The following C7orf78 variants were observed in gnomAD, a reference collection of about 807,000 sequenced individuals.
C7orf78 encodes putative uncharacterized protein C7orf78.
chr7:12,488,241 G>A, the C7orf78 span, among the ~76,000 whole-genome samples: 28 of 151,942 alleles, frequency 1.8e-4, no homozygotes, highest in South Asian at 5.6e-3. Context: ...TCTTCATTTG[G>A]CCACTGCCTT....
chr7:12,540,056 G>A, the C7orf78 span, among the ~76,000 whole-genome samples: 2 of 152,244 alleles, frequency 1.3e-5, 1 homozygote, highest in African/African-American at 4.8e-5. Context: ...TGGGATTATT[G>A]GGTTGGTTTC....
chr7:12,496,433 G>C, the C7orf78 span: 1 of 152,138 alleles, frequency 6.6e-6, no homozygotes, highest in African/African-American at 2.4e-5. Context: ...TATGCTGTTC[G>C]TCCATCCAAA....
the C7orf78 span, among the ~76,000 whole-genome samples, chr7:12,527,016 TCAG>T: frequency 7.6e-6 from 1 of 131,344 alleles, no homozygotes; most frequent in African/African-American, 3.1e-5. Flanking sequence ...ATGGAACATG[TCAG>T]CTTTCCTAGT....
chr7:12,497,917 T>TCCCTGACCCCTGAC, the C7orf78 span, among the ~76,000 whole-genome samples: 1 of 150,354 alleles, frequency 6.7e-6, no homozygotes, highest in South Asian at 2.1e-4. Context: ...CTCAAGTGGG[T>TCCCTGACCCCTGAC]CCCTGACCCC....
At chr7:12,505,111 G>A in the C7orf78 span, among the ~76,000 whole-genome samples, 1 of 151,856 alleles carries the variant, frequency 6.6e-6, no homozygotes, top group African/African-American at 2.4e-5. Flanking sequence ...TCAAAAGAAT[G>A]TTTTTTGTAT....
the C7orf78 span, among the ~76,000 whole-genome samples, chr7:12,519,470 C>T: frequency 6.6e-6 from 1 of 152,182 alleles, no homozygotes; most frequent in Non-Finnish European, 1.5e-5. Flanking sequence ...CCTTCCAGCT[C>T]CAGTCAGACA....
chr7:12,513,584 G>C, the C7orf78 span, among the ~76,000 whole-genome samples: 1 of 152,036 alleles, frequency 6.6e-6, no homozygotes, highest in Admixed American at 6.6e-5. Context: ...TTTATTTCTA[G>C]TTTTATTCCA....
At chr7:12,535,938 C>T in the C7orf78 span, among the ~76,000 whole-genome samples, 1 of 152,238 alleles carries the variant, frequency 6.6e-6, no homozygotes, top group African/African-American at 2.4e-5. Flanking sequence ...CAGCTCCACT[C>T]CTGTGGCTTT....
chr7:12,494,677 T>G, the C7orf78 span, among the ~76,000 whole-genome samples: 1 of 152,186 alleles, frequency 6.6e-6, no homozygotes, highest in Non-Finnish European at 1.5e-5. Context: ...TAACTGATCA[T>G]CTGTTTAGAA....
the C7orf78 span, among the ~76,000 whole-genome samples, chr7:12,495,343 T>C: frequency 6.6e-6 from 1 of 152,226 alleles, no homozygotes; most frequent in East Asian, 1.9e-4. Context: ...TAATCTCCAA[T>C]GTCCAGTCTT....
At chr7:12,515,595 G>A in the C7orf78 span, among the ~76,000 whole-genome samples, 1 of 150,404 alleles carries the variant, frequency 6.6e-6, no homozygotes, top group African/African-American at 2.5e-5. Flanking sequence ...GGGTTTCGAA[G>A]AAGGCAGGAA....
At chr7:12,519,472 A>G in the C7orf78 span, among the ~76,000 whole-genome samples, 2 of 152,172 alleles carry the variant, frequency 1.3e-5, no homozygotes, top group Non-Finnish European at 2.9e-5. Context: ...TTCCAGCTCC[A>G]GTCAGACAGC....
the C7orf78 span, among the ~76,000 whole-genome samples, chr7:12,496,160 C>T: frequency 1.3e-5 from 2 of 152,122 alleles, no homozygotes; most frequent in Admixed American, 6.6e-5. Flanking sequence ...CTCCTGACCT[C>T]GTGATCCGCC....
At chr7:12,501,494 G>T in the C7orf78 span, among the ~76,000 whole-genome samples, 1 of 151,650 alleles carries the variant, frequency 6.6e-6, no homozygotes, top group African/African-American at 2.4e-5. Flanking sequence ...GCTTCAAAGA[G>T]AATAAAATAC....
At chr7:12,520,494 C>G in the C7orf78 span, among the ~76,000 whole-genome samples, 1 of 152,080 alleles carries the variant, frequency 6.6e-6, no homozygotes, top group Non-Finnish European at 1.5e-5. Context: ...ATTTGTTATT[C>G]AAGAGCGTGT....
At chr7:12,526,285 A>T in the C7orf78 span, among the ~76,000 whole-genome samples, 1 of 152,150 alleles carries the variant, frequency 6.6e-6, no homozygotes, top group Non-Finnish European at 1.5e-5. Context: ...AATCTACATC[A>T]TAGAATTACT....
the C7orf78 span, among the ~76,000 whole-genome samples, chr7:12,532,202 C>T: frequency 2.0e-5 from 3 of 152,152 alleles, no homozygotes; most frequent in Non-Finnish European, 4.4e-5. Context: ...GTCTGCAGCT[C>T]AATTTTACAG....
At chr7:12,523,516 T>C in the C7orf78 span, 1 of 396,148 alleles carries the variant, frequency 2.5e-6, no homozygotes. Flanking sequence ...AGAAAAACTA[T>C]TACATATAGG....
chr7:12,510,922 T>C, the C7orf78 span, among the ~76,000 whole-genome samples: 2 of 152,214 alleles, frequency 1.3e-5, no homozygotes, highest in African/African-American at 4.8e-5. Context: ...TTTGTTTTTG[T>C]TAGTTATGCT....
Sources: allele counts gnomAD v4.1 joint callset (sites outside exome capture counted in the v4.1 genomes callset), GRCh38; gene constraint gnomAD v4.1.1; transcripts MANE v1.5; gene names NCBI Gene and HGNC (gene_info 2026-07-23, HGNC 2026-07-21).